Variants in DBF4 observed in about 807,000 individuals in gnomAD.
The protein encoded by DBF4 is DBF4-CDC7 kinase regulatory subunit.
In DBF4, 25 loss-of-function variants were observed where a neutral mutation model predicts 76.6. The ratio of observed to expected loss-of-function variants is 0.33; its 90% CI spans 0.24 to 0.46. The LOEUF (loss-of-function observed/expected upper bound fraction) is 0.46, where lower values mean the gene tolerates loss of function less well. DBF4 is among the 20% of genes least tolerant of loss of function. DBF4 has a pLI of 1.00. For synonymous variants in DBF4, 213 were observed against 258.0 expected, an observed-to-expected ratio of 0.83 and a Z score of 1.67; for missense variants, 638 against 760.8, an observed-to-expected ratio of 0.84 and a Z score of 1.90.
chr7:87,881,999 AG>A (rs1327666927), intron 2 of DBF4, among the ~76,000 whole-genome samples: 1 of 152,238 alleles, frequency 6.6e-6, no homozygotes, highest in Non-Finnish European at 1.5e-5. Flanking sequence ...CTTAGGATAT[AG>A]GTGGGGGAAG....
Position 87,906,397 on chromosome 7 carries a change from C to T in DBF4, c.1050-791C>T, listed in dbSNP as rs533973100. Among the ~76,000 whole-genome samples the T allele has an allele frequency of 2.1e-5, 3 of 144,210 alleles. No individual in the cohort carries two copies. In the South Asian group the frequency reaches 7.3e-4, roughly 35 times the overall value. The allele number at this position is 144,210 out of a possible 152,430, so 94.6% of individuals were successfully genotyped here. ...AATTGTTTGTAAGTAAATGTATGAA[C>T]AAGATAAAAAAGAACATTCTGGTTG... On this transcript the variant is annotated intron_variant, in intron 11 of 11. Coordinates refer to ENST00000265728, the MANE Select transcript of DBF4 (RefSeq NM_006716.4).
intron 2 of DBF4, 99 bp from the exon 3 acceptor site, chr7:87,884,880 T>G: frequency 1.2e-6 from 1 of 866,204 alleles, no homozygotes; most frequent in Non-Finnish European, 1.7e-6. Context: ...GAGGCTGCAG[T>G]GAGCTATGAT....
intron 2 of DBF4, among the ~76,000 whole-genome samples, chr7:87,882,574 G>T (rs1457499194): frequency 6.6e-6 from 1 of 152,140 alleles, no homozygotes; most frequent in Admixed American, 6.5e-5. Flanking sequence ...TCTGCTAAGG[G>T]ATTAATATCC....
intron 2 of DBF4, among the ~76,000 whole-genome samples, chr7:87,880,010 T>G (rs1019470138): frequency 1.3e-5 from 2 of 152,118 alleles, no homozygotes; most frequent in African/African-American, 4.8e-5. Context: ...ATGACAATTT[T>G]CTCAAATATG....
In DBF4 at chr7:87,886,874, GA is replaced by G; in HGVS notation, c.435del (p.Ala146LeufsTer22). 2.5e-6 allele frequency: 4 copies of G among 1,573,386 alleles called. No homozygotes were observed. Among genetic ancestry groups the G allele is most frequent in the Non-Finnish European group, 3.5e-6 (4 of 1,150,966 alleles). ...TTTAAGCAGAGGAAAATTATTAGTT[GA>G]AAAAGCTATCAAGGACCATGTAAGT... ...VCLSRGKLLV[E>X]KAIKDHDFIP... On this transcript the variant is annotated frameshift_variant, in exon 4 of 12. Transcript: ENST00000265728. LOFTEE classifies it high-confidence loss of function.
chr7:87,902,116 G>A (rs1839804399), intron 10 of DBF4, among the ~76,000 whole-genome samples: 1 of 152,108 alleles, frequency 6.6e-6, no homozygotes, highest in South Asian at 2.1e-4. Flanking sequence ...CTTTGCTGGT[G>A]TAGCAACAAA....
intron 10 of DBF4, 74 bp from the exon 11 acceptor site, chr7:87,904,217 AG>A: frequency 6.8e-7 from 1 of 1,461,228 alleles, no homozygotes; most frequent in Non-Finnish European, 9.1e-7. Flanking sequence ...TGAGAATGTT[AG>A]AAAACCTTAA....
chr7:87,906,172 C>G (rs1839908109), intron 11 of DBF4, among the ~76,000 whole-genome samples: 1 of 151,080 alleles, frequency 6.6e-6, no homozygotes, highest in African/African-American at 2.4e-5. Flanking sequence ...AAACAAAAAA[C>G]AAAAAAACTA....
chr7:87,899,334 T>C (rs1839711440), intron 8 of DBF4, among the ~76,000 whole-genome samples: 1 of 152,186 alleles, frequency 6.6e-6, no homozygotes, highest in South Asian at 2.1e-4. Flanking sequence ...TCTATTTCTT[T>C]TTTTCAGCTT....
At chr7:87,896,866 C>A (rs1183822224) in intron 7 of DBF4, among the ~76,000 whole-genome samples, 2 of 152,174 alleles carry the variant, frequency 1.3e-5, no homozygotes, top group Non-Finnish European at 2.9e-5. Context: ...TAAGCGTAAA[C>A]AATGCTTTGA....
At position 87,909,134 on chromosome 7, in the gene DBF4, G is replaced by A. The variant is rs1244281835; in HGVS notation, c.*971G>A. The A allele has an allele frequency of 6.6e-6, 1 of 152,048 alleles. No individual in the cohort carries two copies. Among genetic ancestry groups the A allele is most frequent in the South Asian group, 2.1e-4 (1 of 4,824 alleles). 9.4% of individuals were successfully genotyped at this position (152,048 alleles called of 1,614,324 possible). On this transcript the variant is annotated 3_prime_UTR_variant, in exon 12 of 12. Transcript: ENST00000265728. Reference sequence around the variant, plus strand: ...GGTAGGAGATGAAGGAGAAAAGGATGGCATTGAATTATAGATACAGTTTTG... The same window carrying A: ...GGTAGGAGATGAAGGAGAAAAGGATAGCATTGAATTATAGATACAGTTTTG...
intron 10 of DBF4, among the ~76,000 whole-genome samples, chr7:87,904,079 TA>T (rs989222869): frequency 3.7e-4 from 57 of 152,356 alleles, no homozygotes; most frequent in Admixed American, 1.2e-3. Context: ...CACTGAAGAC[TA>T]AAAACCAAAG....
In DBF4 at chr7:87,907,865, G is replaced by A. The variant is rs1414701678; in HGVS notation, c.1727G>A (p.Arg576Gln). Residue 576 changes from arginine to glutamine, a missense_variant, in exon 12 of 12, where the codon CGA becomes CAA. Physicochemically the swap from Arg to Gln is conservative, Grantham distance 43 (BLOSUM62 1). Coordinates refer to ENST00000265728, the MANE Select transcript of DBF4 (RefSeq NM_006716.4). ...AGTTTACCTTCTGGTAAAATACATC[G>A]AAAAGTGAAAATAATATTAGGACGA... ...MDSLPSGKIH[R>Q]KVKIILGRNR... 7.4e-6 allele frequency: 12 copies of A among 1,613,378 alleles called. No homozygotes were observed. Among genetic ancestry groups the A allele is most frequent in the South Asian group, 1.1e-5 (1 of 90,874 alleles).
intron 2 of DBF4, among the ~76,000 whole-genome samples, chr7:87,879,951 CAAAA>C (rs78858917): frequency 1.0e-5 from 1 of 100,434 alleles, no homozygotes; most frequent in Admixed American, 1.1e-4. Flanking sequence ...ACCCTATGTC[CAAAA>C]AAAAAAAAAA....
intron 2 of DBF4, among the ~76,000 whole-genome samples, chr7:87,882,367 T>G (rs1258318476): frequency 6.6e-6 from 1 of 152,170 alleles, no homozygotes; most frequent in Non-Finnish European, 1.5e-5. Flanking sequence ...ACTGAAACTC[T>G]TAGTGGAAAA....
chr7:87,876,843 G>C (rs568677753), intron 1 of DBF4, 65 bp downstream of exon 1: 2 of 1,570,330 alleles, frequency 1.3e-6, no homozygotes, highest in African/African-American at 1.3e-5. Flanking sequence ...TTCCACCATT[G>C]ATTCTTCAGA....
chr7:87,907,348 G>T lies in DBF4; in HGVS notation c.1210G>T (p.Glu404Ter). Residue 404 changes from glutamate (E) to a stop codon, truncating the protein, a stop_gained, in exon 12 of 12, where the codon GAA (glutamate) becomes TAA (stop). Coordinates refer to ENST00000265728, the MANE Select transcript of DBF4 (RefSeq NM_006716.4). LOFTEE classifies it high-confidence loss of function. ...EQNFLYKETQ[E>*]TEKKLLFISE... is the part of the protein sequence containing the mutation. Reference sequence around the variant, plus strand: ...GAATTTCCTGTATAAAGAGACCCAGGAAACTGAAAAAAAGCTCCTGTTTAT... The same window carrying T: ...GAATTTCCTGTATAAAGAGACCCAGTAAACTGAAAAAAAGCTCCTGTTTAT... 3.7e-6 allele frequency: 6 copies of T among 1,613,806 alleles called. No homozygotes were observed. The highest frequency in any genetic ancestry group is 5.1e-6 in the Non-Finnish European group (6 of 1,179,896).
intron 8 of DBF4, among the ~76,000 whole-genome samples, chr7:87,899,613 A>G (rs1839719962): frequency 6.6e-6 from 1 of 152,234 alleles, no homozygotes; most frequent in Non-Finnish European, 1.5e-5. Context: ...AGTGAAAGTA[A>G]TCCAAGTCCA....
At chr7:87,882,152 G>C (rs1396223563) in intron 2 of DBF4, among the ~76,000 whole-genome samples, 2 of 152,168 alleles carry the variant, frequency 1.3e-5, no homozygotes, top group Non-Finnish European at 2.9e-5. Flanking sequence ...CAATAGAGTA[G>C]AACAGAGAAC....
Sources: allele counts gnomAD v4.1 joint callset (sites outside exome capture counted in the v4.1 genomes callset), GRCh38; gene constraint gnomAD v4.1.1; transcripts MANE v1.5; gene names NCBI Gene and HGNC (gene_info 2026-07-23, HGNC 2026-07-21).